Variants in VPS13B observed in about 807,000 individuals in gnomAD.
VPS13B encodes vacuolar protein sorting 13 homolog B.
A neutral mutation model predicts 426.4 loss-of-function variants in VPS13B; 285 were observed. That is an observed-to-expected ratio of 0.67 (90% CI 0.61 to 0.74). The LOEUF (loss-of-function observed/expected upper bound fraction) is 0.74, where lower values mean the gene tolerates loss of function less well. Among genes scored for constraint, VPS13B ranks in the 30% least tolerant of loss-of-function variants. The pLI is 0.00. For missense variants in VPS13B, 4,537 were observed against 4,782.6 expected, an observed-to-expected ratio of 0.95 and a Z score of 1.51; for synonymous variants, 1,676 against 1,676.4, an observed-to-expected ratio of 1.00 and a Z score of 0.01.
chr8:99,631,824 T>G (rs768346038), intron 33 of VPS13B, among the ~76,000 whole-genome samples: 5 of 151,914 alleles, frequency 3.3e-5, no homozygotes, highest in Non-Finnish European at 5.9e-5. Context: ...AGCTAGTGCC[T>G]AGAACATAGT....
At position 99,097,739 on chromosome 8, in the gene VPS13B, A is replaced by C. The variant is rs143655583; in HGVS notation, c.412+1307A>C. On this transcript the variant is annotated intron_variant, in intron 4 of 61. Transcript: ENST00000357162. ...AAGAAAACTAAAGACAAAAAACATTAATGGAGATAGGTAATAAAGATACTA... is the reference window on the plus strand; with the variant it reads ...AAGAAAACTAAAGACAAAAAACATTCATGGAGATAGGTAATAAAGATACTA... 1.8e-3 allele frequency among the ~76,000 whole-genome samples: 268 copies of C among 152,308 alleles called. 1 individual carries two copies. The highest frequency in any genetic ancestry group is 6.3e-3 in the African/African-American group (262 of 41,576).
intron 39 of VPS13B, among the ~76,000 whole-genome samples, chr8:99,730,734 TCCTGAAAGG>T (rs1833562594): frequency 1.3e-5 from 2 of 151,462 alleles, no homozygotes; most frequent in African/African-American, 4.8e-5. Flanking sequence ...TACAGGTACC[TCCTGAAAGG>T]TACCTGTAGG....
At chr8:99,543,386 C>G (rs1485901136) in intron 30 of VPS13B, among the ~76,000 whole-genome samples, 1 of 152,020 alleles carries the variant, frequency 6.6e-6, no homozygotes, top group African/African-American at 2.4e-5. Context: ...CATTACCATT[C>G]AGGACATAGG....
intron 5 of VPS13B, 137 bp from the exon 6 acceptor site, chr8:99,110,960 CT>C: frequency 1.7e-6 from 1 of 582,496 alleles, no homozygotes; most frequent in Non-Finnish European, 2.7e-6. Flanking sequence ...TGCATATGGT[CT>C]GGCATTATGT....
intron 35 of VPS13B, among the ~76,000 whole-genome samples, chr8:99,689,589 G>A (rs947994168): frequency 2.4e-4 from 36 of 152,278 alleles, no homozygotes; most frequent in Middle Eastern, 3.4e-3. Context: ...AGGCTGAGGC[G>A]GGAGGATCAC....
chr8:99,735,491 A>G (rs376891668), intron 39 of VPS13B, among the ~76,000 whole-genome samples: 40 of 152,312 alleles, frequency 2.6e-4, no homozygotes, highest in African/African-American at 9.4e-4. Flanking sequence ...GAATGTCGCA[A>G]CTACAAGCCA....
intron 19 of VPS13B, among the ~76,000 whole-genome samples, chr8:99,380,323 A>G (rs1317422078): frequency 6.6e-6 from 1 of 152,166 alleles, no homozygotes; most frequent in Non-Finnish European, 1.5e-5. Context: ...GAAATTTGCA[A>G]TCTATGAAAG....
chr8:99,087,168 C>G lies in VPS13B; in HGVS notation c.292-9144C>G, dbSNP rs555617266. 1.2e-4 allele frequency among the ~76,000 whole-genome samples: 19 copies of G among 152,292 alleles called. No individual in the cohort carries two copies. The East Asian group carries it at 3.5e-3, about 28-fold the overall frequency. On this transcript the variant is annotated intron_variant, in intron 3 of 61. Transcript: ENST00000357162. The stretch of plus-strand genomic sequence containing the variant: ...GCCTCAGCAATGGCGGGCGCCCCCT[C>G]CCCCAGCCTCGCTGCCCCCTTGCAG...
chr8:99,796,454 A>C (rs1338856530), intron 43 of VPS13B, among the ~76,000 whole-genome samples: 1 of 152,176 alleles, frequency 6.6e-6, no homozygotes, highest in African/African-American at 2.4e-5. Context: ...AGAAGAAAGA[A>C]ATGCGAGATT....
chr8:99,485,464 T>A (rs939029495), intron 25 of VPS13B, among the ~76,000 whole-genome samples: 1 of 152,344 alleles, frequency 6.6e-6, no homozygotes, highest in South Asian at 2.1e-4. Context: ...ACAGCTATGC[T>A]GAGACATGGA....
intron 17 of VPS13B, among the ~76,000 whole-genome samples, chr8:99,258,650 G>A (rs1366427982): frequency 6.6e-6 from 1 of 151,830 alleles, no homozygotes; most frequent in East Asian, 1.9e-4. Context: ...TAATTAATTA[G>A]CGTAAGTTTT....
chr8:99,030,226 T>TG (rs1842448340), intron 2 of VPS13B, among the ~76,000 whole-genome samples: 1 of 150,874 alleles, frequency 6.6e-6, no homozygotes, highest in Non-Finnish European at 1.5e-5. Flanking sequence ...TTTTTGTTTT[T>TG]TTTTTTCGGC....
chr8:99,421,144 T>TC (rs1816346412), intron 21 of VPS13B, among the ~76,000 whole-genome samples: 1 of 152,140 alleles, frequency 6.6e-6, no homozygotes, highest in African/African-American at 2.4e-5. Context: ...ACAAGCTGAC[T>TC]CCAAGTGTAG....
chr8:99,378,150 A>G (rs1813601279), intron 19 of VPS13B, among the ~76,000 whole-genome samples: 1 of 73,082 alleles, frequency 1.4e-5, no homozygotes, highest in African/African-American at 5.7e-5. Context: ...CCCCCCCGGA[A>G]TGCATTCTTT....
intron 33 of VPS13B, among the ~76,000 whole-genome samples, chr8:99,595,488 TAAATATAAAGAGCTA>T (rs1826964118): frequency 6.6e-6 from 1 of 151,920 alleles, no homozygotes; most frequent in African/African-American, 2.4e-5. Flanking sequence ...ATCAAAGACC[TAAATATAAAGAGCTA>T]AAACTATAAA....
chr8:99,357,890 A>G (rs1032008729), intron 19 of VPS13B, among the ~76,000 whole-genome samples: 1 of 152,204 alleles, frequency 6.6e-6, no homozygotes, highest in African/African-American at 2.4e-5. Context: ...AAAGAGGCGC[A>G]GAAGTCAGAT....
chr8:99,764,346 G>A (rs1811094986), intron 39 of VPS13B, among the ~76,000 whole-genome samples: 1 of 148,296 alleles, frequency 6.7e-6, no homozygotes, highest in Admixed American at 6.8e-5. Context: ...TAACCCACAT[G>A]TTCTCATCCT....
chr8:99,557,942 A>G (rs1331035355), intron 31 of VPS13B, among the ~76,000 whole-genome samples: 1 of 152,134 alleles, frequency 6.6e-6, no homozygotes, highest in Middle Eastern at 3.2e-3. Context: ...TTTTCTCTTT[A>G]TAAAATAGAA....
At chr8:99,282,393 G>A (rs1819214997) in intron 19 of VPS13B, among the ~76,000 whole-genome samples, 1 of 152,108 alleles carries the variant, frequency 6.6e-6, no homozygotes, top group Non-Finnish European at 1.5e-5. Context: ...TTTGTATAGG[G>A]AACTTCTATT....
Sources: allele counts gnomAD v4.1 joint callset (sites outside exome capture counted in the v4.1 genomes callset), GRCh38; gene constraint gnomAD v4.1.1; transcripts MANE v1.5; gene names NCBI Gene and HGNC (gene_info 2026-07-23, HGNC 2026-07-21).